The following KCNQ5 variants were observed in gnomAD, a reference collection of about 807,000 sequenced individuals.
The protein encoded by KCNQ5 is potassium voltage-gated channel subfamily Q member 5.
KCNQ5 carries 30 observed loss-of-function variants against 98.2 expected under a neutral mutation model. The ratio of observed to expected loss-of-function variants is 0.31; its 90% CI spans 0.23 to 0.41. The LOEUF (loss-of-function observed/expected upper bound fraction) is 0.41, where lower values mean the gene tolerates loss of function less well. KCNQ5 is among the 10% of genes least tolerant of loss of function. The pLI is 1.00. For synonymous variants in KCNQ5, 458 were observed against 449.4 expected, an observed-to-expected ratio of 1.02 and a Z score of -0.24; for missense variants, 835 against 1,182.5, an observed-to-expected ratio of 0.71 and a Z score of 4.31.
intron 9 of KCNQ5, among the ~76,000 whole-genome samples, chr6:73,130,666 T>C (rs553688571): frequency 6.6e-6 from 1 of 152,336 alleles, no homozygotes; most frequent in African/African-American, 2.4e-5. Context: ...ATCAATTCAA[T>C]GTGTGTTTTC....
intron 1 of KCNQ5, among the ~76,000 whole-genome samples, chr6:72,764,969 T>G (rs748119088): frequency 6.6e-6 from 1 of 152,102 alleles, no homozygotes; most frequent in Non-Finnish European, 1.5e-5. Context: ...TTTTTATGGC[T>G]GAATAATACT....
At chr6:72,969,222 G>A (rs183879325) in intron 1 of KCNQ5, among the ~76,000 whole-genome samples, 152 of 152,292 alleles carry the variant, frequency 1.0e-3, no homozygotes, top group African/African-American at 3.4e-3. Flanking sequence ...CAAAGGAGAT[G>A]TGTTATAATA....
At chr6:73,087,357 G>A (rs1774029991) in intron 5 of KCNQ5, among the ~76,000 whole-genome samples, 1 of 152,188 alleles carries the variant, frequency 6.6e-6, no homozygotes, top group South Asian at 2.1e-4. Flanking sequence ...TCTGACATGA[G>A]CAAGTGGATA....
rs983798683 is a variant in KCNQ5, at chr6:72,623,637, C to CT, written c.398+1057dup. Among the ~76,000 whole-genome samples the CT allele has an allele frequency of 3.2e-4, 49 of 151,884 alleles. 1 individual carries two copies. The highest frequency in any genetic ancestry group is 1.1e-3 in the African/African-American group (46 of 41,316). ...TTATAATGTTACCTCGTGTCTAATTCTTTTTTTCTTCCTCTTCTCCTTTTG... is the reference window on the plus strand; with the variant it reads ...TTATAATGTTACCTCGTGTCTAATTCTTTTTTTTCTTCCTCTTCTCCTTTTG... On this transcript the variant is annotated intron_variant, in intron 1 of 13. Coordinates refer to ENST00000370398, the MANE Select transcript of KCNQ5 (RefSeq NM_019842.4).
In KCNQ5 at chr6:73,066,186, A is replaced by T. The variant is rs199855452; in HGVS notation, c.617-11136A>T. ...ATATTAAAAACATGTTAATTATAAG[A>T]TGTTTGCTAAATTTTACCTGAATAT... On this transcript the variant is annotated intron_variant, in intron 3 of 13. Coordinates refer to ENST00000370398, the MANE Select transcript of KCNQ5 (RefSeq NM_019842.4). Among the ~76,000 whole-genome samples, 6 of 152,270 alleles carry T rather than the reference A, an allele frequency of 3.9e-5. No individual in the cohort carries two copies. In the East Asian group the frequency reaches 1.2e-3, roughly 29 times the overall value.
intron 1 of KCNQ5, among the ~76,000 whole-genome samples, chr6:72,685,621 A>C (rs573116101): frequency 6.6e-6 from 1 of 152,200 alleles, no homozygotes; most frequent in East Asian, 1.9e-4. Context: ...CACACTGTAT[A>C]TTATGCCTTA....
At position 72,787,004 on chromosome 6, in the gene KCNQ5, C is replaced by CAA. The variant is rs1045803750; in HGVS notation, c.398+164441_398+164442dup. Among the ~76,000 whole-genome samples the CAA allele has an allele frequency of 2.7e-3, 135 of 50,282 alleles. 1 individual carries two copies. The highest frequency in any genetic ancestry group is 4.5e-3 in the Admixed American group (18 of 3,962). The allele number at this position is 50,282 out of a possible 152,430, so 33.0% of individuals were successfully genotyped here. On this transcript the variant is annotated intron_variant, in intron 1 of 13. Coordinates refer to ENST00000370398, the MANE Select transcript of KCNQ5 (RefSeq NM_019842.4). ...TGGGCGACACAGCAAGACTCTGTCT[C>CAA]AAAAAAAAAAAAAAAAAAAAAAAAA...
At chr6:72,761,401 T>C (rs1197861286) in intron 1 of KCNQ5, among the ~76,000 whole-genome samples, 1 of 151,954 alleles carries the variant, frequency 6.6e-6, no homozygotes, top group Non-Finnish European at 1.5e-5. Context: ...AATGATTAAT[T>C]GATAGTTATT....
chr6:73,139,959 C>T (rs191473219), intron 10 of KCNQ5, among the ~76,000 whole-genome samples: 3 of 150,624 alleles, frequency 2.0e-5, no homozygotes, highest in Non-Finnish European at 2.9e-5. Context: ...GTGCCAGAAC[C>T]CTCAAGTCTT....
intron 5 of KCNQ5, among the ~76,000 whole-genome samples, chr6:73,079,178 T>C (rs1773660832): frequency 6.6e-6 from 1 of 152,148 alleles, no homozygotes; most frequent in Non-Finnish European, 1.5e-5. Context: ...GGCACACTCC[T>C]GTAGTTCCAG....
chr6:73,060,709 A>G (rs1227862248), intron 3 of KCNQ5, among the ~76,000 whole-genome samples: 5 of 152,170 alleles, frequency 3.3e-5, no homozygotes, highest in Admixed American at 3.3e-4. Context: ...CCAACAACCT[A>G]ACAGAAAATA....
chr6:72,688,415 G>C (rs894650327), intron 1 of KCNQ5, among the ~76,000 whole-genome samples: 1 of 151,890 alleles, frequency 6.6e-6, no homozygotes, highest in African/African-American at 2.4e-5. Flanking sequence ...GCTTCTTCTT[G>C]TTTATGCTTT....
chr6:73,121,555 C>T (rs956214214), intron 8 of KCNQ5, among the ~76,000 whole-genome samples: 54 of 152,324 alleles, frequency 3.5e-4, no homozygotes, highest in African/African-American at 1.3e-3. Flanking sequence ...GCTCATCCGA[C>T]ATTTGAGAGC....
rs377437433 is a variant in KCNQ5, at chr6:73,133,505, C to T, written c.1332C>T (p.Asp444=). ...AGAGCCGACAAGCCTCAGTAGGTGA[C>T]AGGAGGTCCCCAAGCACCGACATCA... ...SIKSRQASVG[D]RRSPSTDITA... Residue 444 remains aspartate (D), a synonymous_variant, in exon 10 of 14, where the codon GAC becomes GAT. Transcript: ENST00000370398. 1.2e-6 allele frequency: 2 copies of T among 1,614,172 alleles called. No individual in the cohort carries two copies. Among genetic ancestry groups the T allele is most frequent in the Non-Finnish European group, 1.7e-6 (2 of 1,180,030 alleles).
intron 3 of KCNQ5, among the ~76,000 whole-genome samples, chr6:73,058,112 A>G (rs189906230): frequency 6.6e-6 from 1 of 152,342 alleles, no homozygotes; most frequent in African/African-American, 2.4e-5. Context: ...TTAAAGGCTT[A>G]AACATAAAAC....
At chr6:73,102,888 G>T (rs994137196) in intron 5 of KCNQ5, among the ~76,000 whole-genome samples, 16 of 152,192 alleles carry the variant, frequency 1.1e-4, no homozygotes, top group African/African-American at 3.9e-4. Context: ...ATGGAGAAGA[G>T]CTTGGAGGTT....
chr6:72,974,161 T>C (rs1768037291), intron 1 of KCNQ5, among the ~76,000 whole-genome samples: 1 of 152,234 alleles, frequency 6.6e-6, no homozygotes, highest in Non-Finnish European at 1.5e-5. Flanking sequence ...TTTCCACTTG[T>C]TTTTGTAAAT....
intron 2 of KCNQ5, among the ~76,000 whole-genome samples, chr6:73,034,413 G>A (rs1771297361): frequency 2.0e-5 from 3 of 152,126 alleles, no homozygotes; most frequent in Admixed American, 6.5e-5. Flanking sequence ...AATGTCACAG[G>A]GTTTATAATG....
chr6:72,752,310 A>G (rs1771726296), intron 1 of KCNQ5, among the ~76,000 whole-genome samples: 2 of 152,152 alleles, frequency 1.3e-5, no homozygotes, highest in African/African-American at 2.4e-5. Flanking sequence ...TTGATGTTGT[A>G]TAAGAGGAGG....
Sources: gnomAD v4.1 joint callset for allele counts (sites outside exome capture counted in the v4.1 genomes callset) on GRCh38, gnomAD v4.1.1 for gene constraint, MANE v1.5 for transcripts, NCBI Gene and HGNC (gene_info 2026-07-23, HGNC 2026-07-21) for gene names.